EZH1: variants seen among roughly 807,000 people sequenced by gnomAD.
EZH1 encodes the protein histone-lysine N-methyltransferase EZH1.
In EZH1, 33 loss-of-function variants were observed where a neutral mutation model predicts 100.5. The ratio of observed to expected loss-of-function variants is 0.33; its 90% CI spans 0.25 to 0.44. The LOEUF (loss-of-function observed/expected upper bound fraction) is 0.44. Ranked by LOEUF, EZH1 falls within the 20% of genes least tolerant of loss-of-function variation. The probability of loss-of-function intolerance (pLI) is 1.00; values close to 1 mark genes in which losing one functional copy is unlikely to be tolerated. For synonymous variants in EZH1, 272 were observed against 313.8 expected (o/e 0.87, Z 1.41); for missense variants, 475 against 928.4 (o/e 0.51, Z 6.35).
intron 16 of EZH1, 71 bp downstream of exon 16, chr17:42,705,935 GA>G (rs2039268861): frequency 2.1e-6 from 3 of 1,404,244 alleles, no homozygotes; most frequent in Non-Finnish European, 2.8e-6. Context: ...CCAGTGGAAA[GA>G]GAATGCTTGG....
At chr17:42,724,185 G>T in intron 5 of EZH1, 120 bp downstream of exon 5, 1 of 1,159,694 alleles carries the variant, frequency 8.6e-7, no homozygotes, top group South Asian at 1.4e-5. Context: ...ACCTTGTTCT[G>T]CCCTGCATGT....
chr17:42,709,647 CAAG>C (rs1166132399), intron 13 of EZH1, 196 bp downstream of exon 13: 2 of 546,646 alleles, frequency 3.7e-6, no homozygotes, highest in East Asian at 3.0e-5. Flanking sequence ...CACTGGGGGA[CAAG>C]AAGAGGGCTG....
At chr17:42,702,989 GT>G (rs2053275970) in intron 19 of EZH1, 28 bp from the exon 20 acceptor site, 4 of 1,610,550 alleles carry the variant, frequency 2.5e-6, no homozygotes, top group Non-Finnish European at 3.4e-6. Context: ...CCGAGGCTAG[GT>G]TCCTACCCAA....
chr17:42,722,947 G>A (rs1348645152), intron 5 of EZH1, 32 bp from the exon 6 acceptor site: 1 of 1,604,284 alleles, frequency 6.2e-7, no homozygotes, highest in Admixed American at 1.7e-5. Flanking sequence ...TTTATTCCAT[G>A]AAGCCATCAT....
chr17:42,705,242 C>T, intron 16 of EZH1, 59 bp from the exon 17 acceptor site: 1 of 901,820 alleles, frequency 1.1e-6, no homozygotes, highest in Non-Finnish European at 1.8e-6. Context: ...GGGGTGTGTG[C>T]TGGATGTGCA....
chr17:42,701,016 C>A lies in EZH1; in HGVS notation c.*1516G>T, dbSNP rs919697303. 5.9e-5 allele frequency: 9 copies of A among 152,478 alleles called. No homozygotes were observed. The highest frequency in any genetic ancestry group is 1.9e-4 in the African/African-American group (8 of 41,556). The allele number at this position is 152,478 out of a possible 1,614,324, so 9.4% of individuals were successfully genotyped here. The stretch of plus-strand genomic sequence containing the variant: ...TGCTCCCTACTGTAACACTCCCAGG[C>A]CAATCTATACCCGCCCACACCCTTT... On this transcript the variant is annotated 3_prime_UTR_variant, in exon 21 of 21. Transcript: ENST00000428826.
At chr17:42,732,254 G>C (rs2053964803) in intron 1 of EZH1, among the ~76,000 whole-genome samples, 1 of 152,170 alleles carries the variant, frequency 6.6e-6, no homozygotes, top group East Asian at 1.9e-4. Context: ...TAAGAGGCCA[G>C]GAGTTTGAGA....
chr17:42,710,803 T>TTC lies in EZH1; in HGVS notation c.1402-867_1402-866insGA, dbSNP rs1555647063. Among the ~76,000 whole-genome samples, 352 of 147,200 alleles carry TTC rather than the reference T, an allele frequency of 2.4e-3. 2 individuals are homozygous for TTC. The highest frequency in any genetic ancestry group is 8.6e-3 in the African/African-American group (337 of 39,172). Reference sequence around the variant, plus strand: ...GTGGCTTTTTTTTTTTTTTTTTTTTTGTAGAAATGGGGTCTCACTTTGTTG... The same window carrying TTC: ...GTGGCTTTTTTTTTTTTTTTTTTTTTTCGTAGAAATGGGGTCTCACTTTGTTG... On this transcript the variant is annotated intron_variant, in intron 12 of 20. Coordinates refer to ENST00000428826, the MANE Select transcript of EZH1 (RefSeq NM_001991.5).
At chr17:42,727,547 T>C in intron 4 of EZH1, 88 bp downstream of exon 4, 1 of 1,478,752 alleles carries the variant, frequency 6.8e-7, no homozygotes, top group Non-Finnish European at 9.2e-7. Flanking sequence ...CTTGTCTTAC[T>C]TATTCACTTT....
At position 42,718,674 on chromosome 17, in the gene EZH1, T is replaced by A. The variant is rs1597840999; in HGVS notation, c.768-57A>T. On this transcript the variant is annotated intron_variant, in intron 8 of 20. Transcript: ENST00000428826. The surrounding 1 kb of genome is among the most constrained non-coding windows in gnomAD (Gnocchi z 4.2). ...CGAGGAACTGCCTCCACTGAGGAAA[T>A]ACAGATTGGGTACTGACAGTAGCTC... 27 of 1,589,550 alleles carry A rather than the reference T, an allele frequency of 1.7e-5. No individual in the cohort carries two copies. The East Asian group carries it at 6.0e-4, about 36-fold the overall frequency.
intron 1 of EZH1, among the ~76,000 whole-genome samples, chr17:42,743,574 A>G (rs969413684): frequency 2.0e-5 from 3 of 151,274 alleles, no homozygotes; most frequent in Admixed American, 6.6e-5. Context: ...GTCTCAAGCA[A>G]TACTCCTGCT....
At chr17:42,713,078 ACT>A in intron 11 of EZH1, 129 bp downstream of exon 11, 1 of 669,608 alleles carries the variant, frequency 1.5e-6, no homozygotes, top group South Asian at 2.3e-5. Context: ...CCCCATCTTT[ACT>A]GTTTACAAAA....
At chr17:42,703,485 AT>A (rs1174565821) in intron 19 of EZH1, 2 of 461,326 alleles carry the variant, frequency 4.3e-6, no homozygotes, top group South Asian at 2.4e-5. Context: ...GCCTATTATT[AT>A]TTTGTGAGAT....
At chr17:42,715,527 G>C (rs769483894) in intron 10 of EZH1, among the ~76,000 whole-genome samples, 4 of 151,720 alleles carry the variant, frequency 2.6e-5, no homozygotes, top group Non-Finnish European at 5.9e-5. Context: ...GATTACAGGC[G>C]TGAGCCACCA....
chr17:42,719,679 G>C (rs1567994567), intron 7 of EZH1, among the ~76,000 whole-genome samples: 1 of 152,214 alleles, frequency 6.6e-6, no homozygotes, highest in Non-Finnish European at 1.5e-5. Context: ...GGAGGTTGCA[G>C]TGAGCCGAGA....
chr17:42,710,632 T>G (rs866065681), intron 12 of EZH1, among the ~76,000 whole-genome samples: 19 of 149,554 alleles, frequency 1.3e-4, no homozygotes, highest in East Asian at 1.9e-4. Context: ...TTTGTTTGTT[T>G]TTTTTTTTTT....
Position 42,704,637 on chromosome 17 carries a change from T to C in EZH1, c.1982A>G (p.Lys661Arg), listed in dbSNP as rs1165600748. 1 of 1,614,082 alleles carries C rather than the reference T, an allele frequency of 6.2e-7. No individual in the cohort carries two copies. ...GTTGAAGAGGAAGCTGGACATGTAT[T>C]TGTCATAGACCTTTCCGCGTCGATC... ...EADRRGKVYD[K>R]YMSSFLFNLN... The change falls in exon 18 of 21, where the codon AAA (lysine) becomes AGA (arginine). Residue 661 changes from lysine to arginine, a missense_variant. Transcript: ENST00000428826.
intron 10 of EZH1, among the ~76,000 whole-genome samples, chr17:42,715,296 C>T (rs1034133845): frequency 5.5e-5 from 8 of 146,282 alleles, no homozygotes; most frequent in Non-Finnish European, 1.2e-4. Context: ...TTTTTTGAGA[C>T]GAGGTCTTGC....
rs1334503499 is a variant in EZH1 at position 42,706,394 on chromosome 17, A to C, written c.1661-209T>G. On this transcript the variant is annotated intron_variant, in intron 15 of 20. Coordinates refer to ENST00000428826, the MANE Select transcript of EZH1 (RefSeq NM_001991.5). The surrounding 1 kb of genome is among the most constrained non-coding windows in gnomAD (Gnocchi z 4.4). ...AACATTCATGCCTTCGAGTCAAAAA[A>C]GCAGGTGTGGTCAAGCATGGTGGCT... 6.6e-6 allele frequency among the ~76,000 whole-genome samples: 1 copy of C among 152,174 alleles called. No individual in the cohort carries two copies. Among genetic ancestry groups the C allele is most frequent in the South Asian group, 2.1e-4 (1 of 4,826 alleles).
Sources: gnomAD v4.1 joint callset for allele counts (sites outside exome capture counted in the v4.1 genomes callset) on GRCh38, gnomAD v4.1.1 for gene constraint, Gnocchi (gnomAD v3.1) non-coding constraint, MANE v1.5 for transcripts, NCBI Gene and HGNC (gene_info 2026-07-23, HGNC 2026-07-21) for gene names.